GRM1: variants seen among roughly 807,000 people sequenced by gnomAD.
GRM1 encodes the protein metabotropic glutamate receptor 1.
GRM1 carries 33 observed loss-of-function variants against 90.9 expected under a neutral mutation model. The observed-to-expected ratio is 0.36, with a 90% CI of 0.28 to 0.49. The LOEUF is 0.49. Ranked by LOEUF, GRM1 falls within the 20% of genes least tolerant of loss-of-function variation. The probability of loss-of-function intolerance (pLI) is 0.99; values close to 1 mark genes in which losing one functional copy is unlikely to be tolerated. For missense variants in GRM1, 1,190 were observed against 1,534.3 expected, an observed-to-expected ratio of 0.78 and a Z score of 3.75; for synonymous variants, 700 against 613.2, an observed-to-expected ratio of 1.14 and a Z score of -2.09.
intron 2 of GRM1, among the ~76,000 whole-genome samples, chr6:146,213,990 G>A (rs1035403715): frequency 3.3e-5 from 5 of 152,086 alleles, no homozygotes; most frequent in Non-Finnish European, 7.4e-5. Context: ...AATGTCTGAG[G>A]CGGTAAAAGA....
Position 146,054,323 on chromosome 6 carries a change from G to C in GRM1, c.700+24106G>C, listed in dbSNP as rs145787903. Among the ~76,000 whole-genome samples the C allele has an allele frequency of 1.2e-3, 188 of 152,188 alleles. 1 individual carries two copies. Among genetic ancestry groups the C allele is most frequent in the African/African-American group, 4.4e-3 (181 of 41,556 alleles). On this transcript the variant is annotated intron_variant, in intron 1 of 7. Coordinates refer to ENST00000282753, the MANE Select transcript of GRM1 (RefSeq NM_001278064.2). ...TACATTCTCTGGATGATTGGAAGAAGAAATGGAAAACAAGCATCATATATT... is the reference window on the plus strand; with the variant it reads ...TACATTCTCTGGATGATTGGAAGAACAAATGGAAAACAAGCATCATATATT...
In GRM1 at chr6:146,434,122, C is replaced by A; in HGVS notation, c.2911C>A (p.Pro971Thr). The change falls in exon 8 of 8, where the codon CCT (proline) becomes ACT (threonine). Residue 971 changes from proline (P) to threonine (T), a missense_variant. This residue lies in a region of GRM1 where 400 missense variants were observed against 360.8 expected (regional missense o/e 1.11). Coordinates refer to ENST00000282753, the MANE Select transcript of GRM1 (RefSeq NM_001278064.2). ...EDAQPIRFSP[P>T]GSPSMVVHRR... ...TGCCCAGCCGATTCGCTTTAGCCCG[C>A]CTGGTAGCCCTTCCATGGTGGTGCA... is the stretch of plus-strand genomic sequence containing the variant. 6.2e-7 allele frequency: 1 copy of A among 1,614,206 alleles called. No homozygotes were observed. The highest frequency in any genetic ancestry group is 8.5e-7 in the Non-Finnish European group (1 of 1,180,034).
intron 1 of GRM1, among the ~76,000 whole-genome samples, chr6:146,079,948 C>T (rs1331641): frequency 0.99 from 150,326 of 152,308 alleles, 74,186 homozygotes; most frequent in East Asian, 1. Flanking sequence ...TTGCTCTCAT[C>T]CTCTTCAGTG....
At chr6:146,338,922 A>G (rs362831) in intron 3 of GRM1, among the ~76,000 whole-genome samples, 57,114 of 152,008 alleles carry the variant, frequency 0.38, 14,721 homozygotes, top group African/African-American at 0.74. Context: ...CTTAATAGCC[A>G]TCTTATGCCC....
At chr6:146,290,497 C>T (rs977403269) in intron 2 of GRM1, among the ~76,000 whole-genome samples, 1 of 152,178 alleles carries the variant, frequency 6.6e-6, no homozygotes, top group African/African-American at 2.4e-5. Flanking sequence ...GGAAGCATGA[C>T]TCAGAGAGCC....
At chr6:146,230,049 G>A (rs1216646394) in intron 2 of GRM1, among the ~76,000 whole-genome samples, 1 of 152,136 alleles carries the variant, frequency 6.6e-6, no homozygotes, top group East Asian at 1.9e-4. Flanking sequence ...TTAATTATTT[G>A]GGAAAGTTAT....
At chr6:146,159,785 T>G (rs1777653194) in intron 2 of GRM1, 188 bp downstream of exon 2, 1 of 592,852 alleles carries the variant, frequency 1.7e-6, no homozygotes, top group African/African-American at 1.9e-5. Context: ...AATATTGGCA[T>G]CTTCCTGCTA....
At chr6:146,146,048 T>G (rs1777082282) in intron 1 of GRM1, among the ~76,000 whole-genome samples, 1 of 151,032 alleles carries the variant, frequency 6.6e-6, no homozygotes, top group Admixed American at 6.6e-5. Flanking sequence ...TTCTTTTGGC[T>G]TATTTCTTTT....
At chr6:146,343,658 T>TTTTTTATTATTATTATTA (rs112859765) in intron 3 of GRM1, among the ~76,000 whole-genome samples, 1 of 148,396 alleles carries the variant, frequency 6.7e-6, no homozygotes, top group African/African-American at 2.5e-5. Context: ...GTTGTTTTTA[T>TTTTTTATTATTATTATTA]TTATTATTAT....
intron 1 of GRM1, among the ~76,000 whole-genome samples, chr6:146,060,393 C>T (rs985005522): frequency 1.3e-5 from 2 of 151,992 alleles, no homozygotes; most frequent in African/African-American, 4.8e-5. Context: ...GATCCTCACC[C>T]TCCTCCCACT....
At chr6:146,317,180 T>C (rs1784005430) in intron 3 of GRM1, among the ~76,000 whole-genome samples, 1 of 152,230 alleles carries the variant, frequency 6.6e-6, no homozygotes, top group Admixed American at 6.5e-5. Flanking sequence ...AATATGAGTC[T>C]TGATATGGTT....
intron 3 of GRM1, among the ~76,000 whole-genome samples, chr6:146,338,619 A>T (rs1197807113): frequency 6.6e-6 from 1 of 152,212 alleles, no homozygotes; most frequent in African/African-American, 2.4e-5. Flanking sequence ...TGTCTATGCT[A>T]AACGTCTATA....
chr6:146,068,439 C>T (rs1038823057), intron 1 of GRM1, among the ~76,000 whole-genome samples: 2 of 152,102 alleles, frequency 1.3e-5, no homozygotes, highest in African/African-American at 4.8e-5. Context: ...AAGACTTTGT[C>T]ATTGTGTTAA....
At chr6:146,400,627 C>T (rs1777124248) in intron 7 of GRM1, among the ~76,000 whole-genome samples, 1 of 152,202 alleles carries the variant, frequency 6.6e-6, no homozygotes, top group African/African-American at 2.4e-5. Context: ...CTTTCTGTGA[C>T]CCATGAAAAC....
chr6:146,234,450 T>C (rs1213394451), intron 2 of GRM1, among the ~76,000 whole-genome samples: 1 of 152,054 alleles, frequency 6.6e-6, no homozygotes, highest in Non-Finnish European at 1.5e-5. Context: ...TCATTTGTCT[T>C]TATGATTGCC....
Position 146,298,764 on chromosome 6 carries a change from T to A in GRM1, c.951-5847T>A, listed in dbSNP as rs1480249204. ...CTAAGCCCTGATGGGCTCATTTATT[T>A]CTCTAGTTTTGCTCTCAGAAGTGAC... On this transcript the variant is annotated intron_variant, in intron 2 of 7. Coordinates refer to ENST00000282753, the MANE Select transcript of GRM1 (RefSeq NM_001278064.2). 2.6e-5 allele frequency among the ~76,000 whole-genome samples: 4 copies of A among 152,168 alleles called. No homozygotes were observed. In the East Asian group the frequency reaches 7.7e-4, roughly 29 times the overall value.
At chr6:146,039,510 A>G (rs897896729) in intron 1 of GRM1, among the ~76,000 whole-genome samples, 3 of 151,994 alleles carry the variant, frequency 2.0e-5, no homozygotes, top group African/African-American at 7.2e-5. Context: ...AAACATGGTG[A>G]GCCAGTGAAG....
intron 2 of GRM1, among the ~76,000 whole-genome samples, chr6:146,258,419 T>G (rs922875069): frequency 1.3e-5 from 2 of 152,124 alleles, no homozygotes; most frequent in Non-Finnish European, 2.9e-5. Flanking sequence ...ACAAATATGC[T>G]CATTCTTTCC....
At chr6:146,426,526 C>T (rs1199509821) in intron 7 of GRM1, 3 of 1,595,940 alleles carry the variant, frequency 1.9e-6, no homozygotes, top group East Asian at 2.3e-5. Flanking sequence ...AACCCCCTCG[C>T]TCACTGGGTG....
Sources: gnomAD v4.1 joint callset for allele counts (sites outside exome capture counted in the v4.1 genomes callset) on GRCh38, gnomAD v4.1.1 for gene constraint, gnomAD v4.1.1 regional missense constraint, MANE v1.5 for transcripts, NCBI Gene and HGNC (gene_info 2026-07-23, HGNC 2026-07-21) for gene names.